The following GNAL variants were observed in gnomAD, a reference collection of about 807,000 sequenced individuals.
The protein encoded by GNAL is guanine nucleotide-binding protein G(olf) subunit alpha.
GNAL carries 18 observed loss-of-function variants against 55.1 expected under a neutral mutation model. The ratio of observed to expected loss-of-function variants is 0.33; its 90% CI spans 0.23 to 0.48. The LOEUF (loss-of-function observed/expected upper bound fraction) is 0.48. Among genes scored for constraint, GNAL ranks in the 20% least tolerant of loss-of-function variants. The pLI is 0.99. For synonymous variants in GNAL, 253 were observed against 237.0 expected, an observed-to-expected ratio of 1.07 and a Z score of -0.62; for missense variants, 412 against 614.1, an observed-to-expected ratio of 0.67 and a Z score of 3.48.
chr18:11,817,503 T>C (rs1259714571), intron 4 of GNAL, among the ~76,000 whole-genome samples: 3 of 152,252 alleles, frequency 2.0e-5, no homozygotes. Flanking sequence ...TTGTTGAACT[T>C]GTTGCCTGTG....
chr18:11,796,585 A>C (rs1029950774), intron 4 of GNAL, among the ~76,000 whole-genome samples: 8 of 149,428 alleles, frequency 5.4e-5, no homozygotes, highest in East Asian at 3.9e-4. Context: ...CAAAAAAAAA[A>C]AAAAAAAAAA....
At chr18:11,708,956 A>T (rs35424326) in intron 1 of GNAL, among the ~76,000 whole-genome samples, 6,508 of 152,314 alleles carry the variant, frequency 0.043, 185 homozygotes, top group Non-Finnish European at 0.063. Context: ...TTACGTCTTT[A>T]ATCCATTTCG....
intron 1 of GNAL, among the ~76,000 whole-genome samples, chr18:11,717,057 C>T (rs894409068): frequency 5.9e-5 from 9 of 152,244 alleles, no homozygotes; most frequent in Admixed American, 5.2e-4. Flanking sequence ...GGGAGGCTCA[C>T]GCATGGCGGG....
chr18:11,822,450 A>G (rs1263548783), intron 4 of GNAL, among the ~76,000 whole-genome samples: 1 of 152,132 alleles, frequency 6.6e-6, no homozygotes, highest in Non-Finnish European at 1.5e-5. Context: ...AGGAAAATAC[A>G]AAAATTAGCC....
chr18:11,824,993 C>T lies in GNAL; in HGVS notation c.700C>T (p.Gln234Ter). Residue 234 changes from glutamine (Q) to a stop codon, truncating the protein, a stop_gained, in exon 5 of 12, where the codon CAG (glutamine) becomes TAG (stop). Coordinates refer to ENST00000334049, the MANE Select transcript of GNAL (RefSeq NM_182978.4). LOFTEE classifies it high-confidence loss of function. ...ATGCTTTGAGAGATCCAACGAATAC[C>T]AGCTGATTGACTGTGCACAATAGTA... The part of the protein sequence containing the change: ...KACFERSNEY[Q>*]LIDCAQYFLE... The T allele has an allele frequency of 6.3e-7, 1 of 1,596,870 alleles. No homozygotes were observed. The highest frequency in any genetic ancestry group is 8.6e-7 in the Non-Finnish European group (1 of 1,165,602).
rs765535214 is a variant in GNAL, at chr18:11,752,815, C to T, written c.377-38C>T. 9 of 1,443,324 alleles carry T rather than the reference C, an allele frequency of 6.2e-6. No homozygotes were observed. The highest frequency in any genetic ancestry group is 8.8e-6 in the Non-Finnish European group (9 of 1,024,680). The allele number at this position is 1,443,324 out of a possible 1,614,324, so 89.4% of individuals were successfully genotyped here. The stretch of plus-strand genomic sequence containing the variant: ...AGTGGTGAGAGATGGCAGCGATATC[C>T]GGACACAGATCACAGCGTTCTTTCT... On this transcript the variant is annotated intron_variant, in intron 1 of 11. Transcript: ENST00000334049. This position sits in a 1 kb window ranked among gnomAD's most constrained non-coding sequence, Gnocchi z 4.5.
chr18:11,750,338 G>A (rs1035992599), intron 1 of GNAL, among the ~76,000 whole-genome samples: 3 of 152,170 alleles, frequency 2.0e-5, no homozygotes, highest in South Asian at 2.1e-4. Flanking sequence ...CCGTGGGGGC[G>A]GTGTGTCTGG....
intron 4 of GNAL, among the ~76,000 whole-genome samples, chr18:11,776,744 C>T (rs994451674): frequency 2.7e-5 from 4 of 150,476 alleles, no homozygotes; most frequent in Non-Finnish European, 5.9e-5. Flanking sequence ...TTACACCTTG[C>T]AAATGCAACA....
intron 5 of GNAL, among the ~76,000 whole-genome samples, chr18:11,842,269 C>T (rs1255671104): frequency 6.6e-6 from 1 of 152,146 alleles, no homozygotes; most frequent in East Asian, 1.9e-4. Context: ...GCATGAGCCA[C>T]CGCGCTCGGC....
chr18:11,885,121 G>A lies in GNAL; in HGVS notation c.*3986G>A. ...TTTATGTGGAACAACAGTGGCAAAT[G>A]TTTTCATTTACTTTGAATTTGAAAA... On this transcript the variant is annotated 3_prime_UTR_variant, in exon 12 of 12. Coordinates refer to ENST00000334049, the MANE Select transcript of GNAL (RefSeq NM_182978.4). The A allele has an allele frequency of 1.8e-6, 2 of 1,085,202 alleles. No homozygotes were observed. The highest frequency in any genetic ancestry group is 6.8e-5 in the East Asian group (1 of 14,640). 67.2% of individuals were successfully genotyped at this position (1,085,202 alleles called of 1,614,324 possible). A position where few individuals can be genotyped will look rare whatever the true frequency, so the allele number is the denominator to read the frequency against.
In GNAL at chr18:11,756,924, A is replaced by T. The variant is rs112929819; in HGVS notation, c.624+2979A>T. Among the ~76,000 whole-genome samples the T allele has an allele frequency of 9.1e-3, 1,390 of 152,328 alleles. 19 individuals are homozygous for T. The highest frequency in any genetic ancestry group is 0.032 in the African/African-American group (1,315 of 41,570). On this transcript the variant is annotated intron_variant, in intron 4 of 11. Transcript: ENST00000334049. ...GATTGAATCCTTGAGAAAGCCTGTCAGTGTCATGGTTCAATTATTTGAGGG... is the reference window on the plus strand; with the variant it reads ...GATTGAATCCTTGAGAAAGCCTGTCTGTGTCATGGTTCAATTATTTGAGGG...
intron 4 of GNAL, among the ~76,000 whole-genome samples, chr18:11,791,716 T>C (rs1308054258): frequency 6.6e-6 from 1 of 152,232 alleles, no homozygotes; most frequent in East Asian, 1.9e-4. Context: ...GGTTAGCTGC[T>C]GTAGACAGAT....
Position 11,884,566 on chromosome 18 carries a change from A to G in GNAL, c.*3431A>G. 1 of 1,614,042 alleles carries G rather than the reference A, an allele frequency of 6.2e-7. No individual in the cohort carries two copies. Among genetic ancestry groups the G allele is most frequent in the Non-Finnish European group, 8.5e-7 (1 of 1,180,050 alleles). On this transcript the variant is annotated 3_prime_UTR_variant, in exon 12 of 12. Coordinates refer to ENST00000334049, the MANE Select transcript of GNAL (RefSeq NM_182978.4). ...CACCACTCCACAGTAGATGATCAAA[A>G]CCACATCCTCACGTGGGAGGTAGCA...
intron 4 of GNAL, among the ~76,000 whole-genome samples, chr18:11,776,375 C>A (rs1415049213): frequency 6.6e-6 from 1 of 152,110 alleles, no homozygotes; most frequent in Non-Finnish European, 1.5e-5. Flanking sequence ...GTAAGAGCGT[C>A]ACACTCTGTG....
intron 5 of GNAL, chr18:11,853,400 G>T (rs2035927965): frequency 6.0e-6 from 1 of 167,100 alleles, no homozygotes; most frequent in South Asian, 2.1e-4. Flanking sequence ...CTTTCTCATA[G>T]CCTCGAAACA....
intron 1 of GNAL, among the ~76,000 whole-genome samples, chr18:11,727,305 C>T (rs1336236149): frequency 1.3e-5 from 2 of 152,244 alleles, no homozygotes; most frequent in African/African-American, 4.8e-5. Context: ...ACTTTCCCAC[C>T]TGCCTTGTGG....
At chr18:11,701,038 G>A (rs1428099732) in intron 1 of GNAL, among the ~76,000 whole-genome samples, 1 of 152,238 alleles carries the variant, frequency 6.6e-6, no homozygotes, top group African/African-American at 2.4e-5. Flanking sequence ...CCACAAGGCA[G>A]AGAGCACAGC....
At chr18:11,788,914 A>AAAAAAAAAAAAAAAATATAT (rs60071996) in intron 4 of GNAL, among the ~76,000 whole-genome samples, 2 of 56,296 alleles carry the variant, frequency 3.6e-5, no homozygotes, top group Non-Finnish European at 5.8e-5. Context: ...AAAAAAAAAA[A>AAAAAAAAAAAAAAAATATAT]ATATATATAT....
chr18:11,791,526 A>T (rs1250201730), intron 4 of GNAL, among the ~76,000 whole-genome samples: 1 of 152,184 alleles, frequency 6.6e-6, no homozygotes, highest in African/African-American at 2.4e-5. Context: ...TCTTGGTAAA[A>T]CATTTTAAAA....
Sources: allele counts gnomAD v4.1 joint callset (sites outside exome capture counted in the v4.1 genomes callset), GRCh38; gene constraint gnomAD v4.1.1; non-coding constraint Gnocchi (gnomAD v3.1); transcripts MANE v1.5; gene names NCBI Gene and HGNC (gene_info 2026-07-23, HGNC 2026-07-21).